Variants in CECR2 observed in about 807,000 individuals in gnomAD.
CECR2 encodes the protein CECR2 histone acetyl-lysine reader.
A neutral mutation model predicts 154.5 loss-of-function variants in CECR2; 30 were observed. That is an observed-to-expected ratio of 0.19 (90% CI 0.15 to 0.26). The LOEUF (loss-of-function observed/expected upper bound fraction) is 0.26, where lower values mean the gene tolerates loss of function less well. CECR2 is among the 10% of genes least tolerant of loss of function. The probability of loss-of-function intolerance (pLI) is 1.00; values close to 1 mark genes in which losing one functional copy is unlikely to be tolerated. For missense variants in CECR2, 1,743 were observed against 1,829.3 expected, an observed-to-expected ratio of 0.95 and a Z score of 0.86; for synonymous variants, 725 against 683.7, an observed-to-expected ratio of 1.06 and a Z score of -0.94.
intron 8 of CECR2, among the ~76,000 whole-genome samples, chr22:17,522,016 C>T (rs1011785035): frequency 3.3e-5 from 5 of 152,160 alleles, no homozygotes; most frequent in South Asian, 2.1e-4. Context: ...GGAATCCTTT[C>T]CCTGTTACTG....
At chr22:17,483,546 C>T (rs978160035) in intron 2 of CECR2, among the ~76,000 whole-genome samples, 32 of 151,974 alleles carry the variant, frequency 2.1e-4, no homozygotes, top group Admixed American at 1.8e-3. Context: ...GAGTTGGAGG[C>T]TGCAGTGAGC....
intron 2 of CECR2, among the ~76,000 whole-genome samples, chr22:17,490,289 G>A (rs2055504191): frequency 6.6e-6 from 1 of 151,926 alleles, no homozygotes; most frequent in African/African-American, 2.4e-5. Flanking sequence ...TGTAGCGGTA[G>A]CTTTGTTATA....
chr22:17,549,255 C>A lies in CECR2; in HGVS notation c.3968C>A (p.Pro1323Gln), dbSNP rs887806595. ...SASEYLYGTP[P>Q]PLSSGMGFGS... ...AGCGAGTATCTCTATGGAACTCCTC[C>A]GCCTCTGAGTTCAGGAATGGGATTT... Residue 1323 changes from proline to glutamine, a missense_variant, in exon 17 of 19, where the codon CCG (proline) becomes CAG (glutamine). Around this residue, in one of 4 missense-constraint regions of CECR2, gnomAD observed 1,250 missense variants for 1,192.1 expected, o/e 1.05. Transcript: ENST00000262608. 1.2e-6 allele frequency: 2 copies of A among 1,613,974 alleles called. No homozygotes were observed. Among genetic ancestry groups the A allele is most frequent in the Admixed American group, 3.3e-5 (2 of 60,026 alleles).
chr22:17,449,757 G>A (rs912348408), intron 1 of CECR2, among the ~76,000 whole-genome samples: 2 of 152,148 alleles, frequency 1.3e-5, no homozygotes, highest in East Asian at 1.9e-4. Context: ...CCAAAGTGCT[G>A]GGATTACAGG....
chr22:17,364,841 AAAAC>A (rs990495844), upstream of CECR2, among the ~76,000 whole-genome samples: 2 of 152,158 alleles, frequency 1.3e-5, no homozygotes, highest in South Asian at 2.1e-4. Flanking sequence ...AACAAAAAAC[AAAAC>A]AAACAAACAA....
At position 17,362,557 on chromosome 22, in the gene CECR2, T is replaced by G. The variant is rs540037918; in HGVS notation, c.-364+2534T>G. 1.8e-4 allele frequency among the ~76,000 whole-genome samples: 27 copies of G among 152,252 alleles called. No individual in the cohort carries two copies. The East Asian group carries it at 3.1e-3, about 17-fold the overall frequency. On this transcript the variant is annotated intron_variant, in intron 1 of 18. Transcript: ENST00000400585. ...AAAATAATTTTTTAGTTCATTTTTT[T>G]TGTGTGTGTTGATTACATGTTGAAA...
In CECR2 at chr22:17,557,440, CA is replaced by C. The variant is rs1177295039; in HGVS notation, c.*4601del. 2 of 152,296 alleles carry C rather than the reference CA, an allele frequency of 1.3e-5. No individual in the cohort carries two copies. The highest frequency in any genetic ancestry group is 1.5e-5 in the Non-Finnish European group (1 of 68,124). 9.4% of individuals were successfully genotyped at this position (152,296 alleles called of 1,614,324 possible). A position where few individuals can be genotyped will look rare whatever the true frequency, so the allele number is the denominator to read the frequency against. On this transcript the variant is annotated 3_prime_UTR_variant, in exon 19 of 19. Transcript: ENST00000262608. The stretch of plus-strand genomic sequence containing the variant: ...CTGGGATTACAGGCGTGAGCCAACA[CA>C]CCGGACCTTCATTTTTTAAATTAAG...
rs774238904 is a variant in CECR2 at position 17,542,874 on chromosome 22, C to T, written c.2731C>T (p.Arg911Cys). Reference sequence around the variant, plus strand: ...CCACCCCCACCAGCCTGCACACCCCCGTTTACCTGGCCCTTTTCCGCAGGT... The same window carrying T: ...CCACCCCCACCAGCCTGCACACCCCTGTTTACCTGGCCCTTTTCCGCAGGT... ...PYHPHQPAHPRLPGPFPQVAH... is the reference protein window; with the variant it reads ...PYHPHQPAHPCLPGPFPQVAH... Residue 911 changes from arginine to cysteine, a missense_variant, in exon 16 of 19, where the codon CGT becomes TGT. By Grantham distance (180) the Arg-to-Cys change is radical. This residue lies in a region of CECR2 where 1,250 missense variants were observed against 1,192.1 expected (regional missense o/e 1.05). Coordinates refer to ENST00000262608, the MANE Select transcript of CECR2 (RefSeq NM_001290047.2). 1.8e-5 allele frequency: 29 copies of T among 1,613,964 alleles called. No individual in the cohort carries two copies. The East Asian group carries it at 2.5e-4, about 14-fold the overall frequency.
chr22:17,542,497 C>A lies in CECR2; in HGVS notation c.2354C>A (p.Pro785His). 6.2e-7 allele frequency: 1 copy of A among 1,613,986 alleles called. No individual in the cohort carries two copies. The highest frequency in any genetic ancestry group is 1.6e-4 in the Middle Eastern group (1 of 6,062). ...NGNHGATNQGPLGPDEKPHLG... is the reference protein window; with the variant it reads ...NGNHGATNQGHLGPDEKPHLG... ...AACCATGGTGCTACGAACCAAGGAC[C>A]CTTGGGCCCAGATGAGAAGCCCCAC... Residue 785 changes from proline (P) to histidine (H), a missense_variant, in exon 16 of 19, where the codon CCC (proline) becomes CAC (histidine). Around this residue, in one of 4 missense-constraint regions of CECR2, gnomAD observed 1,250 missense variants for 1,192.1 expected, o/e 1.05. Coordinates refer to ENST00000262608, the MANE Select transcript of CECR2 (RefSeq NM_001290047.2).
In CECR2 at chr22:17,548,623, T is replaced by C; in HGVS notation, c.3336T>C (p.Thr1112=). The C allele has an allele frequency of 6.2e-7, 1 of 1,613,268 alleles. No individual in the cohort carries two copies. Among genetic ancestry groups the C allele is most frequent in the Non-Finnish European group, 8.5e-7 (1 of 1,179,616 alleles). Residue 1112 remains threonine (T), a synonymous_variant, in exon 17 of 19, where the codon ACT becomes ACC. Coordinates refer to ENST00000262608, the MANE Select transcript of CECR2 (RefSeq NM_001290047.2). ...PSTDPGLTGG[T]VSQFPPLYMP... ...CAGACCCCGGTTTGACGGGAGGCAC[T>C]GTGAGCCAGTTTCCCCCGCTGTATA...
At chr22:17,543,553 C>G (rs1159933564) in intron 16 of CECR2, among the ~76,000 whole-genome samples, 1 of 147,900 alleles carries the variant, frequency 6.8e-6, no homozygotes, top group Non-Finnish European at 1.5e-5. Flanking sequence ...GTGCCAGGCA[C>G]TCCTCCTGAG....
intron 1 of CECR2, among the ~76,000 whole-genome samples, chr22:17,448,858 T>C (rs766821991): frequency 9.9e-5 from 15 of 152,012 alleles, no homozygotes; most frequent in Non-Finnish European, 1.5e-4. Context: ...CTTTTCAGAT[T>C]CCTCTTTTTT....
rs780122782 is a variant in CECR2, at chr22:17,548,644, G to T, written c.3357G>T (p.Leu1119=). ...TGGTVSQFPP[L]YMPGLEYPNS... is the part of the protein sequence containing the mutation. ...GCACTGTGAGCCAGTTTCCCCCGCT[G>T]TATATGCCTGGCCTAGAGTACCCGA... The change falls in exon 17 of 19, where the codon CTG becomes CTT. Residue 1119 remains leucine (L), a synonymous_variant. Transcript: ENST00000262608. 6 of 1,613,012 alleles carry T rather than the reference G, an allele frequency of 3.7e-6. No homozygotes were observed. The highest frequency in any genetic ancestry group is 4.2e-6 in the Non-Finnish European group (5 of 1,179,522).
intron 7 of CECR2, among the ~76,000 whole-genome samples, chr22:17,508,870 G>C (rs972487974): frequency 2.6e-5 from 4 of 152,220 alleles, no homozygotes; most frequent in African/African-American, 9.6e-5. Flanking sequence ...AAAGAGTAAT[G>C]TTTGAGACTA....
chr22:17,452,468 G>GA (rs887723255), intron 1 of CECR2, among the ~76,000 whole-genome samples: 3 of 152,068 alleles, frequency 2.0e-5, no homozygotes, highest in Non-Finnish European at 2.9e-5. Context: ...GAGAATAGGG[G>GA]AAAAAATGTG....
At position 17,410,374 on chromosome 22, in the gene CECR2, A is replaced by G. The variant is rs1601309088; in HGVS notation, c.126+40465A>G. The stretch of plus-strand genomic sequence containing the variant: ...TTGTCAGGATTTTTCTAATGGGAGG[A>G]GAATGGTATAGTTTTCTTTCATTTA... On this transcript the variant is annotated intron_variant, in intron 1 of 18. Transcript: ENST00000262608. Among the ~76,000 whole-genome samples, 3 of 152,064 alleles carry G rather than the reference A, an allele frequency of 2.0e-5. No homozygotes were observed. In the South Asian group the frequency reaches 6.2e-4, roughly 32 times the overall value.
At chr22:17,498,843 T>C (rs2055682051) in intron 3 of CECR2, among the ~76,000 whole-genome samples, 2 of 152,180 alleles carry the variant, frequency 1.3e-5, no homozygotes, top group African/African-American at 4.8e-5. Flanking sequence ...TTCTCTCTTT[T>C]TTGAAAAGGG....
At chr22:17,533,106 A>G (rs2146995880) in intron 9 of CECR2, among the ~76,000 whole-genome samples, 1 of 147,792 alleles carries the variant, frequency 6.8e-6, no homozygotes, top group African/African-American at 2.5e-5. Flanking sequence ...TCACGAGGTC[A>G]GAAGATCAAG....
Position 17,540,782 on chromosome 22 carries a change from A to C in CECR2, c.1866A>C (p.Ala622=), listed in dbSNP as rs1039705606. 6.3e-7 allele frequency: 1 copy of C among 1,578,530 alleles called. No homozygotes were observed. The highest frequency in any genetic ancestry group is 8.6e-7 in the Non-Finnish European group (1 of 1,161,942). The change falls in exon 14 of 19, where the codon GCA becomes GCC. Residue 622 remains alanine, a synonymous_variant. Coordinates refer to ENST00000262608, the MANE Select transcript of CECR2 (RefSeq NM_001290047.2). ...ATTGTGGTGGGACACCCAGCCAGGC[A>C]CCCTTTTTAAACCAGATGGTAAGGA... ...PLHCGGTPSQ[A]PFLNQMRPAV... is the part of the protein sequence containing the mutation.
Sources: gnomAD v4.1 joint callset for allele counts (sites outside exome capture counted in the v4.1 genomes callset) on GRCh38, gnomAD v4.1.1 for gene constraint, gnomAD v4.1.1 regional missense constraint, MANE v1.5 for transcripts, NCBI Gene and HGNC (gene_info 2026-07-23, HGNC 2026-07-21) for gene names.